Variants in CDH18 observed in about 807,000 individuals in gnomAD.
CDH18 encodes cadherin-18.
In CDH18, 31 loss-of-function variants were observed where a neutral mutation model predicts 67.9. The ratio of observed to expected loss-of-function variants is 0.46; its 90% confidence interval spans 0.34 to 0.62. CDH18 has a LOEUF of 0.62. Among genes scored for constraint, CDH18 ranks in the 20% least tolerant of loss-of-function variants. The pLI, the probability that CDH18 is intolerant of heterozygous loss-of-function variation, is 0.01. For missense variants in CDH18, 890 were observed against 975.5 expected (o/e 0.91, Z 1.17); for synonymous variants, 362 against 347.2 (o/e 1.04, Z -0.48).
At chr5:19,816,043 T>C (rs911589815) in intron 3 of CDH18, among the ~76,000 whole-genome samples, 5 of 152,042 alleles carry the variant, frequency 3.3e-5, no homozygotes, top group Admixed American at 6.5e-5. Context: ...ACAGTGAAGA[T>C]AGAGAACGTC....
intron 1 of CDH18, among the ~76,000 whole-genome samples, chr5:20,256,649 T>C (rs1744254321): frequency 6.6e-6 from 1 of 152,008 alleles, no homozygotes; most frequent in African/African-American, 2.4e-5. Flanking sequence ...ATATTGTATA[T>C]CAGGTTATCC....
At chr5:20,402,416 A>G (rs982965402) in intron 1 of CDH18, among the ~76,000 whole-genome samples, 5 of 152,172 alleles carry the variant, frequency 3.3e-5, no homozygotes, top group African/African-American at 1.2e-4. Flanking sequence ...AGGTACATTT[A>G]GTGAGAGAAT....
intron 1 of CDH18, among the ~76,000 whole-genome samples, chr5:20,462,775 A>T (rs1251055615): frequency 6.6e-6 from 1 of 152,186 alleles, no homozygotes; most frequent in Non-Finnish European, 1.5e-5. Flanking sequence ...ACAGATAAGA[A>T]ATCTGAGATA....
intron 1 of CDH18, among the ~76,000 whole-genome samples, chr5:20,332,418 T>C (rs569136120): frequency 2.3e-4 from 35 of 152,330 alleles, no homozygotes; most frequent in African/African-American, 8.4e-4. Context: ...ATAAAATCAT[T>C]CTTGTAATAA....
intron 2 of CDH18, among the ~76,000 whole-genome samples, chr5:20,218,908 G>T (rs1417947567): frequency 6.6e-6 from 1 of 151,602 alleles, no homozygotes; most frequent in Non-Finnish European, 1.5e-5. Flanking sequence ...AGCAATAAGT[G>T]CCAGATCAAA....
intron 5 of CDH18, among the ~76,000 whole-genome samples, chr5:19,671,038 T>C (rs909553195): frequency 6.6e-6 from 1 of 152,150 alleles, no homozygotes; most frequent in African/African-American, 2.4e-5. Context: ...AGTATTTGTA[T>C]ATATGTATGT....
chr5:20,155,225 A>C (rs372781267), intron 2 of CDH18, among the ~76,000 whole-genome samples: 1 of 152,122 alleles, frequency 6.6e-6, no homozygotes, highest in Non-Finnish European at 1.5e-5. Flanking sequence ...GAAAAATGTT[A>C]TGTTTGCATA....
intron 1 of CDH18, among the ~76,000 whole-genome samples, chr5:20,574,740 C>A (rs73053473): frequency 0.11 from 16,717 of 152,050 alleles, 1,179 homozygotes; most frequent in African/African-American, 0.19. Flanking sequence ...CCCATATATT[C>A]ACAGATGCTT....
intron 3 of CDH18, among the ~76,000 whole-genome samples, chr5:19,803,581 GC>G (rs1159852920): frequency 1.6e-4 from 25 of 152,134 alleles, no homozygotes; most frequent in Non-Finnish European, 1.8e-4. Flanking sequence ...TGGTAATTCA[GC>G]CTTTTCCCAG....
intron 3 of CDH18, among the ~76,000 whole-genome samples, chr5:19,800,263 A>T (rs1297404698): frequency 1.3e-5 from 2 of 152,168 alleles, no homozygotes; most frequent in African/African-American, 4.8e-5. Flanking sequence ...TCTAAAAGAT[A>T]AAGGTTAATG....
intron 3 of CDH18, among the ~76,000 whole-genome samples, chr5:19,834,731 T>C (rs1036077382): frequency 4.6e-5 from 7 of 152,186 alleles, no homozygotes; most frequent in African/African-American, 1.7e-4. Flanking sequence ...GTCTCATGGT[T>C]CTCATTGGTT....
At position 20,308,919 on chromosome 5, in the gene CDH18, C is replaced by G. The variant is rs567644636; in HGVS notation, c.-579-53414G>C. Reference sequence around the variant, plus strand: ...AAAGAGTCAGTGATTACAGATACCCCTTTAATCGTATAAGGTTTTGATTTT... The same window carrying G: ...AAAGAGTCAGTGATTACAGATACCCGTTTAATCGTATAAGGTTTTGATTTT... On this transcript the variant is annotated intron_variant, in intron 1 of 14. Coordinates refer to the CDH18 transcript ENST00000507958. 4.6e-5 allele frequency among the ~76,000 whole-genome samples: 7 copies of G among 152,234 alleles called. No individual in the cohort carries two copies. In the East Asian group the frequency reaches 1.4e-3, roughly 29 times the overall value.
intron 1 of CDH18, among the ~76,000 whole-genome samples, chr5:20,379,627 T>C (rs929248624): frequency 5.9e-5 from 9 of 152,116 alleles, no homozygotes; most frequent in African/African-American, 1.9e-4. Context: ...GAATGACATA[T>C]ATAAGTATAT....
chr5:19,961,362 C>T (rs1198708599), intron 2 of CDH18, among the ~76,000 whole-genome samples: 3 of 152,032 alleles, frequency 2.0e-5, no homozygotes, highest in Admixed American at 1.3e-4. Context: ...CCGCCTCGGC[C>T]TCCCAAACCG....
chr5:19,596,566 A>C (rs903895131), intron 6 of CDH18, among the ~76,000 whole-genome samples: 3 of 152,188 alleles, frequency 2.0e-5, no homozygotes, highest in African/African-American at 4.8e-5. Flanking sequence ...AGAGATAAAT[A>C]AATACATTAT....
chr5:20,457,802 G>T (rs1750949877), intron 1 of CDH18, among the ~76,000 whole-genome samples: 1 of 152,112 alleles, frequency 6.6e-6, no homozygotes, highest in African/African-American at 2.4e-5. Flanking sequence ...AAAAACTGGA[G>T]GGGGAAGCTT....
intron 1 of CDH18, among the ~76,000 whole-genome samples, chr5:20,438,979 T>G (rs1749390643): frequency 6.6e-6 from 1 of 151,512 alleles, no homozygotes; most frequent in African/African-American, 2.4e-5. Flanking sequence ...TTTATTCTTT[T>G]AAATAGTAAT....
intron 8 of CDH18, among the ~76,000 whole-genome samples, chr5:19,552,024 A>T (rs1737539176): frequency 6.6e-6 from 1 of 152,158 alleles, no homozygotes; most frequent in African/African-American, 2.4e-5. Context: ...ATAATATTTC[A>T]TGCAACTGAT....
At chr5:19,828,069 A>T (rs1780603280) in intron 3 of CDH18, among the ~76,000 whole-genome samples, 1 of 152,154 alleles carries the variant, frequency 6.6e-6, no homozygotes, top group South Asian at 2.1e-4. Flanking sequence ...GAAATACAAA[A>T]AACCCTCAGT....
Sources: allele counts gnomAD v4.1 joint callset (sites outside exome capture counted in the v4.1 genomes callset), GRCh38; gene constraint gnomAD v4.1.1; transcripts MANE v1.5; gene names NCBI Gene and HGNC (gene_info 2026-07-23, HGNC 2026-07-21).